The following KIF1C variants were observed in gnomAD, a reference collection of about 807,000 sequenced individuals.
The protein encoded by KIF1C is kinesin-like protein KIF1C.
Under a neutral mutation model 126.5 loss-of-function variants are expected in KIF1C, and 61 were observed. That is an observed-to-expected ratio of 0.48 (90% CI 0.39 to 0.60). The LOEUF (loss-of-function observed/expected upper bound fraction) is 0.60. Ranked by LOEUF, KIF1C falls within the 20% of genes least tolerant of loss-of-function variation. The pLI, the probability that KIF1C is intolerant of heterozygous loss-of-function variation, is 0.00. For missense variants in KIF1C, 1,315 were observed against 1,489.2 expected (o/e 0.88, Z 1.93); for synonymous variants, 640 against 580.6 (o/e 1.10, Z -1.47).
rs145900696 is a variant in KIF1C, at chr17:5,010,515, G to A, written c.1491+2973G>A. On this transcript the variant is annotated intron_variant, in intron 16 of 22. Coordinates refer to ENST00000320785, the MANE Select transcript of KIF1C (RefSeq NM_006612.6). ...TGTAATCCCAGCACTTTGGGAGGCCGAGGCGGGCGGATCACGAGGTCAGGA... is the reference window on the plus strand; with the variant it reads ...TGTAATCCCAGCACTTTGGGAGGCCAAGGCGGGCGGATCACGAGGTCAGGA... 8.6e-3 allele frequency among the ~76,000 whole-genome samples: 1,303 copies of A among 152,014 alleles called. 13 individuals carry two copies. The highest frequency in any genetic ancestry group is 0.029 in the African/African-American group (1,215 of 41,516).
chr17:5,001,161 G>C lies in KIF1C; in HGVS notation c.184-61G>C, dbSNP rs1044139901. 5.9e-6 allele frequency: 9 copies of C among 1,536,776 alleles called. No homozygotes were observed. In the African/African-American group the frequency reaches 1.1e-4, roughly 19 times the overall value. ...ATGGAAGCAAGACTCTTGGGACAGAGACACAAAGGATAAAGACATCCAGGG... is the reference window on the plus strand; with the variant it reads ...ATGGAAGCAAGACTCTTGGGACAGACACACAAAGGATAAAGACATCCAGGG... On this transcript the variant is annotated intron_variant, in intron 4 of 22. Coordinates refer to ENST00000320785, the MANE Select transcript of KIF1C (RefSeq NM_006612.6).
intron 16 of KIF1C, among the ~76,000 whole-genome samples, chr17:5,012,367 G>T (rs768240596): frequency 1.1e-4 from 17 of 152,108 alleles, no homozygotes; most frequent in Non-Finnish European, 1.6e-4. Flanking sequence ...TTTGGCAGGT[G>T]GGGGCGGGGC....
rs1975064842 is a variant in KIF1C at position 5,020,478 on chromosome 17, C to T, written c.1751-14C>T. On this transcript the variant is annotated splice_polypyrimidine_tract_variant and intron_variant, in intron 19 of 22. Coordinates refer to ENST00000320785, the MANE Select transcript of KIF1C (RefSeq NM_006612.6). This position sits in a 1 kb window ranked among gnomAD's most constrained non-coding sequence, Gnocchi z 5.8. ...ATGGGAAGCGAGTTTACTTTTCCCT[C>T]CTCCCATCTCTAGGGAATAGGATTG... The T allele has an allele frequency of 1.3e-6, 2 of 1,597,106 alleles. No homozygotes were observed. The highest frequency in any genetic ancestry group is 1.7e-4 in the Middle Eastern group (1 of 5,978).
chr17:5,004,733 G>C (rs1216394259), intron 12 of KIF1C, 88 bp downstream of exon 12: 1 of 1,583,792 alleles, frequency 6.3e-7, no homozygotes, highest in Non-Finnish European at 8.7e-7. Context: ...CTGCTCGTGA[G>C]ACGGGGGAGA....
chr17:5,007,247 C>G lies in KIF1C; in HGVS notation c.1336-16C>G, dbSNP rs1974756796. 1 of 1,601,408 alleles carries G rather than the reference C, an allele frequency of 6.2e-7. No individual in the cohort carries two copies. The highest frequency in any genetic ancestry group is 8.5e-7 in the Non-Finnish European group (1 of 1,173,780). ...GTCCCAGACCATCCTGAAACCTACC[C>G]ACCTTACGCCCCCAGGAGACAGAGA... On this transcript the variant is annotated splice_polypyrimidine_tract_variant and intron_variant, in intron 14 of 22. Coordinates refer to ENST00000320785, the MANE Select transcript of KIF1C (RefSeq NM_006612.6).
Position 5,007,461 on chromosome 17 carries a change from C to G in KIF1C, c.1416-6C>G, listed in dbSNP as rs368339978. On this transcript the variant is annotated splice_polypyrimidine_tract_variant and splice_region_variant and intron_variant, in intron 15 of 22. Coordinates refer to ENST00000320785, the MANE Select transcript of KIF1C (RefSeq NM_006612.6). The stretch of plus-strand genomic sequence containing the variant: ...AGACTGACATTTGCCTCTCCTCTGC[C>G]CACAGAGAAGCATTGCTGGCTGAGA... 4 of 1,597,148 alleles carry G rather than the reference C, an allele frequency of 2.5e-6. No individual in the cohort carries two copies. Among genetic ancestry groups the G allele is most frequent in the African/African-American group, 2.7e-5 (2 of 74,292 alleles).
At chr17:5,021,476 A>G (rs1442586181) in intron 21 of KIF1C, among the ~76,000 whole-genome samples, 1 of 151,042 alleles carries the variant, frequency 6.6e-6, no homozygotes, top group African/African-American at 2.4e-5. Context: ...GCACCCGGCC[A>G]TGGACTTTCT....
intron 21 of KIF1C, among the ~76,000 whole-genome samples, chr17:5,021,340 T>G (rs1975088030): frequency 6.6e-6 from 1 of 151,494 alleles, no homozygotes; most frequent in Non-Finnish European, 1.5e-5. Flanking sequence ...GCCTGGCTAA[T>G]AATTATTGTA....
rs1309728888 is a variant in KIF1C, at chr17:5,022,532, T to C, written c.2451T>C (p.Ser817=). The C allele has an allele frequency of 1.3e-6, 2 of 1,587,760 alleles. No homozygotes were observed. The highest frequency in any genetic ancestry group is 4.6e-5 in the East Asian group (2 of 43,724). ...VGEEEGGGAG[S]GGGSEEGARG... is the part of the protein sequence containing the mutation. ...AGGAGGAAGGAGGTGGAGCTGGCAG[T>C]GGTGGTGGCAGTGAGGAGGGAGCCC... The change falls in exon 22 of 23, where the codon AGT becomes AGC. Residue 817 remains serine, a synonymous_variant. Coordinates refer to ENST00000320785, the MANE Select transcript of KIF1C (RefSeq NM_006612.6). The surrounding 1 kb of genome is among the most constrained non-coding windows in gnomAD (Gnocchi z 4.9).
chr17:5,004,152 C>T, intron 11 of KIF1C, 79 bp downstream of exon 11: 3 of 1,045,468 alleles, frequency 2.9e-6, no homozygotes, highest in Non-Finnish European at 4.5e-6. Context: ...AATCCCCTTG[C>T]TATGCCGAGA....
chr17:5,021,465 C>T (rs770332902), intron 21 of KIF1C, among the ~76,000 whole-genome samples: 9 of 151,492 alleles, frequency 5.9e-5, no homozygotes, highest in Admixed American at 3.9e-4. Flanking sequence ...CATGAGCCAC[C>T]GCACCCGGCC....
intron 16 of KIF1C, among the ~76,000 whole-genome samples, chr17:5,013,368 G>A (rs1974906860): frequency 6.6e-6 from 1 of 152,182 alleles, no homozygotes; most frequent in South Asian, 2.1e-4. Context: ...TGCTGACCTG[G>A]ATGCAGCTGG....
chr17:5,018,420 A>C (rs1227406749), intron 18 of KIF1C, among the ~76,000 whole-genome samples: 1 of 151,940 alleles, frequency 6.6e-6, no homozygotes, highest in East Asian at 1.9e-4. Flanking sequence ...TGATTCCAGC[A>C]CTTTGGGAGG....
At chr17:5,019,202 A>C in intron 18 of KIF1C, 1 of 167,620 alleles carries the variant, frequency 6.0e-6, no homozygotes, top group East Asian at 1.9e-4. Context: ...TATTATAATA[A>C]TAAAACACAT....
chr17:5,005,065 C>G (rs1974695637), intron 13 of KIF1C, 65 bp downstream of exon 13: 1 of 1,603,404 alleles, frequency 6.2e-7, no homozygotes. Flanking sequence ...TCCTCACTTG[C>G]CTTTGCCCAG....
chr17:5,005,006 G>A lies in KIF1C; in HGVS notation c.1165+6G>A. The A allele has an allele frequency of 1.2e-6, 2 of 1,614,186 alleles. No homozygotes were observed. Among genetic ancestry groups the A allele is most frequent in the South Asian group, 2.2e-5 (2 of 91,084 alleles). On this transcript the variant is annotated splice_donor_region_variant and intron_variant, in intron 13 of 22. Coordinates refer to ENST00000320785, the MANE Select transcript of KIF1C (RefSeq NM_006612.6). ...GTCAGCCTCTGCTCTGGAAGGTCGA[G>A]GTTCCAGGGAGGGGCAGCTCAGGGA...
rs1418190689 is a variant in KIF1C at position 5,024,402 on chromosome 17, G to A, written c.*251G>A. 2.4e-6 allele frequency: 1 copy of A among 420,594 alleles called. No individual in the cohort carries two copies. The highest frequency in any genetic ancestry group is 4.2e-6 in the Non-Finnish European group (1 of 236,898). The allele number at this position is 420,594 out of a possible 1,614,324, so 26.1% of individuals were successfully genotyped here. A position where few individuals can be genotyped will look rare whatever the true frequency, so the allele number is the denominator to read the frequency against. ...CTGCCTCGGGGCCACCCCTTGCAAA[G>A]GGGGTGTGTCCCACAAACGCTGCTA... On this transcript the variant is annotated 3_prime_UTR_variant, in exon 23 of 23. Transcript: ENST00000320785.
At position 5,018,802 on chromosome 17, in the gene KIF1C, G is replaced by A. The variant is rs370352721; in HGVS notation, c.1667-1194G>A. 3.0e-4 allele frequency among the ~76,000 whole-genome samples: 45 copies of A among 152,286 alleles called. 1 individual carries two copies. The highest frequency in any genetic ancestry group is 1.1e-3 in the African/African-American group (45 of 41,566). On this transcript the variant is annotated intron_variant, in intron 18 of 22. Transcript: ENST00000320785. ...CTTACCAGACAGAAGTAAGCTCTAT[G>A]AGAGCAGGGATTTTTTGTTTTATAT... is the stretch of plus-strand genomic sequence containing the variant.
chr17:5,000,235 G>A lies in KIF1C; in HGVS notation c.-12G>A. 3 of 1,554,312 alleles carry A rather than the reference G, an allele frequency of 1.9e-6. No homozygotes were observed. Among genetic ancestry groups the A allele is most frequent in the Non-Finnish European group, 2.6e-6 (3 of 1,146,608 alleles). On this transcript the variant is annotated 5_prime_UTR_variant, in exon 3 of 23. The change creates a new upstream start codon in the 5' untranslated region. Coordinates refer to ENST00000320785, the MANE Select transcript of KIF1C (RefSeq NM_006612.6). ...TGTCCTCCAGCTGAGGAGGGCAGGAGTGTCTGGAGCTATGGCTGGTGCCTC... is the reference window on the plus strand; with the variant it reads ...TGTCCTCCAGCTGAGGAGGGCAGGAATGTCTGGAGCTATGGCTGGTGCCTC...
Sources: gnomAD v4.1 joint callset for allele counts (sites outside exome capture counted in the v4.1 genomes callset) on GRCh38, gnomAD v4.1.1 for gene constraint, Gnocchi (gnomAD v3.1) non-coding constraint, MANE v1.5 for transcripts, NCBI Gene and HGNC (gene_info 2026-07-23, HGNC 2026-07-21) for gene names.